DMXL1: variants seen among roughly 807,000 people sequenced by gnomAD.
DMXL1 encodes the protein dmX-like protein 1.
Under a neutral mutation model 319.2 loss-of-function variants are expected in DMXL1, and 99 were observed. That is an observed-to-expected ratio of 0.31 (90% CI 0.26 to 0.37). DMXL1 has a LOEUF of 0.37. DMXL1 is among the 10% of genes least tolerant of loss of function. The pLI is 1.00. For synonymous variants in DMXL1, 1,385 were observed against 1,235.2 expected, an observed-to-expected ratio of 1.12 and a Z score of -2.54; for missense variants, 3,745 against 3,595.6, an observed-to-expected ratio of 1.04 and a Z score of -1.06.
chr5:119,239,585 T>C (rs1469993915), intron 41 of DMXL1, among the ~76,000 whole-genome samples: 2 of 152,246 alleles, frequency 1.3e-5, no homozygotes, highest in African/African-American at 4.8e-5. Flanking sequence ...TCAGACTTCA[T>C]ATATTATTAT....
At chr5:119,081,601 T>G in intron 1 of DMXL1, 7 of 985,362 alleles carry the variant, frequency 7.1e-6, no homozygotes, top group Non-Finnish European at 8.4e-6. Flanking sequence ...AAGTGTTGGA[T>G]GCAAGAAGTG....
At chr5:119,147,030 T>G (rs1768707483) in intron 16 of DMXL1, 74 bp downstream of exon 16, 2 of 1,527,414 alleles carry the variant, frequency 1.3e-6, no homozygotes, top group Middle Eastern at 1.7e-4. Context: ...TTAGATAATT[T>G]GGGACATATT....
chr5:119,143,116 ACT>A (rs1480035326), intron 13 of DMXL1, among the ~76,000 whole-genome samples: 3 of 151,976 alleles, frequency 2.0e-5, no homozygotes, highest in Non-Finnish European at 4.4e-5. Flanking sequence ...AGAAAAAATA[ACT>A]CTCGGGTACT....
chr5:119,149,769 A>G lies in DMXL1; in HGVS notation c.3942A>G (p.Ala1314=). The part of the protein sequence containing the change: ...VDMEDSGLFE[A]AHVLSPTLPQ... The stretch of plus-strand genomic sequence containing the variant: ...TGGAAGATTCAGGTCTTTTTGAAGC[A>G]GCTCATGTACTTTCCCCGACTCTAC... Residue 1314 remains alanine (A), a synonymous_variant, in exon 18 of 44, where the codon GCA becomes GCG. Transcript: ENST00000539542. The G allele has an allele frequency of 6.2e-7, 1 of 1,613,978 alleles. No homozygotes were observed. Among genetic ancestry groups the G allele is most frequent in the South Asian group, 1.1e-5 (1 of 91,080 alleles).
chr5:119,217,775 G>A (rs3797337), intron 35 of DMXL1, among the ~76,000 whole-genome samples: 131,164 of 152,076 alleles, frequency 0.86, 57,378 homozygotes, highest in Non-Finnish European at 0.94. Context: ...TGTAATACAG[G>A]GAAGTGTGAT....
intron 42 of DMXL1, among the ~76,000 whole-genome samples, chr5:119,241,166 T>C (rs1788716172): frequency 6.6e-6 from 1 of 152,098 alleles, no homozygotes; most frequent in Admixed American, 6.5e-5. Flanking sequence ...GTTATGAAAA[T>C]CATGAGTACA....
chr5:119,149,486 C>T lies in DMXL1; in HGVS notation c.3659C>T (p.Ser1220Leu). The T allele has an allele frequency of 3.1e-6, 5 of 1,613,902 alleles. No individual in the cohort carries two copies. The highest frequency in any genetic ancestry group is 1.1e-5 in the South Asian group (1 of 91,080). Reference sequence around the variant, plus strand: ...TCCCCACCTTTTCCTGTTTCTTTATCGTGGGTCCGGGATGGCATCCTTGTG... The same window carrying T: ...TCCCCACCTTTTCCTGTTTCTTTATTGTGGGTCCGGGATGGCATCCTTGTG... ...DGSPPFPVSL[S>L]WVRDGILVVG... The change falls in exon 18 of 44, where the codon TCG (serine) becomes TTG (leucine). Residue 1220 changes from serine to leucine, a missense_variant. Physicochemically the swap from Ser to Leu is moderately radical, Grantham distance 145. This residue lies in a region of DMXL1 where 2,096 missense variants were observed against 1,985.4 expected (regional missense o/e 1.06). Transcript: ENST00000539542.
intron 7 of DMXL1, among the ~76,000 whole-genome samples, chr5:119,117,927 C>T (rs77833356): frequency 0.022 from 3,337 of 152,198 alleles, 124 homozygotes; most frequent in African/African-American, 0.076. Context: ...CTGATTGTTC[C>T]GTTTTTAAAA....
chr5:119,100,828 G>A (rs1757104353), intron 2 of DMXL1, among the ~76,000 whole-genome samples: 1 of 139,500 alleles, frequency 7.2e-6, no homozygotes, highest in Admixed American at 7.7e-5. Context: ...CGCCCAGGCT[G>A]GAGTGCAGTG....
intron 19 of DMXL1, among the ~76,000 whole-genome samples, chr5:119,152,671 T>C (rs565446701): frequency 2.4e-4 from 37 of 152,226 alleles, no homozygotes; most frequent in Non-Finnish European, 4.9e-4. Context: ...AATAACATTG[T>C]CTTAGAGAGT....
chr5:119,171,999 T>G (rs1387087619), intron 25 of DMXL1, 30 bp downstream of exon 25: 1 of 1,565,698 alleles, frequency 6.4e-7, no homozygotes, highest in Non-Finnish European at 8.7e-7. Context: ...AGCTTTTACT[T>G]CATCTGTACA....
chr5:119,087,567 G>T (rs1309374619), intron 1 of DMXL1, among the ~76,000 whole-genome samples: 1 of 152,086 alleles, frequency 6.6e-6, no homozygotes. Flanking sequence ...CTTGTTTTGT[G>T]ACCTCAGATA....
At chr5:119,175,408 G>C in intron 26 of DMXL1, 71 bp downstream of exon 26, 4 of 1,112,014 alleles carry the variant, frequency 3.6e-6, no homozygotes, top group Non-Finnish European at 5.4e-6. Context: ...GTATGTTAGT[G>C]GTTTAGAACT....
At chr5:119,216,252 C>G (rs971394333) in intron 34 of DMXL1, among the ~76,000 whole-genome samples, 6 of 152,028 alleles carry the variant, frequency 3.9e-5, no homozygotes, top group African/African-American at 1.4e-4. Context: ...GATGTATACA[C>G]TTTGTCTGGA....
At chr5:119,231,050 G>T (rs1459012210) in intron 38 of DMXL1, among the ~76,000 whole-genome samples, 10 of 152,150 alleles carry the variant, frequency 6.6e-5, no homozygotes. Context: ...ACAATTTACA[G>T]TTCATTTAGT....
At chr5:119,203,463 T>C (rs548300580) in intron 33 of DMXL1, 27 bp downstream of exon 33, 1 of 1,341,770 alleles carries the variant, frequency 7.5e-7, no homozygotes, top group Admixed American at 2.3e-5. Context: ...ACCTGTTTAC[T>C]ATTTTATTAT....
chr5:119,239,375 C>T (rs1788340603), intron 41 of DMXL1, among the ~76,000 whole-genome samples: 1 of 152,098 alleles, frequency 6.6e-6, no homozygotes, highest in Non-Finnish European at 1.5e-5. Context: ...ATCTGTAAGG[C>T]CACACTTTGC....
At chr5:119,080,679 C>G (rs1236781507) in intron 1 of DMXL1, among the ~76,000 whole-genome samples, 4 of 152,138 alleles carry the variant, frequency 2.6e-5, no homozygotes, top group African/African-American at 4.8e-5. Context: ...TCATACTTGT[C>G]TTCAACTTAA....
intron 38 of DMXL1, among the ~76,000 whole-genome samples, chr5:119,231,415 C>A (rs1002249922): frequency 1.3e-5 from 2 of 152,128 alleles, no homozygotes; most frequent in Admixed American, 1.3e-4. Context: ...GACTTCTAGA[C>A]CTGATCTGAA....
Sources: gnomAD v4.1 joint callset for allele counts (sites outside exome capture counted in the v4.1 genomes callset) on GRCh38, gnomAD v4.1.1 for gene constraint, gnomAD v4.1.1 regional missense constraint, MANE v1.5 for transcripts, NCBI Gene and HGNC (gene_info 2026-07-23, HGNC 2026-07-21) for gene names.